The following ANO6 variants were observed in gnomAD, a reference collection of about 807,000 sequenced individuals.
The protein encoded by ANO6 is anoctamin 6, also known as anoctamin-6.
Under a neutral mutation model 117.5 loss-of-function variants are expected in ANO6, and 106 were observed. The observed-to-expected ratio is 0.90, with a 90% CI of 0.77 to 1.06. ANO6 has a LOEUF of 1.06. Among genes scored for constraint, ANO6 ranks in the 50% least tolerant of loss-of-function variants. The probability of loss-of-function intolerance (pLI) is 0.00; values close to 1 mark genes in which losing one functional copy is unlikely to be tolerated. For missense variants in ANO6, 955 were observed against 1,121.1 expected (o/e 0.85, Z 2.12); for synonymous variants, 367 against 385.1 (o/e 0.95, Z 0.55).
intron 1 of ANO6, among the ~76,000 whole-genome samples, chr12:45,282,041 G>T (rs1233617384): frequency 1.3e-5 from 2 of 152,024 alleles, no homozygotes; most frequent in Non-Finnish European, 2.9e-5. Context: ...ATGTTTGGCT[G>T]TGGGGGATGC....
At chr12:45,353,206 A>G (rs541048734) in intron 7 of ANO6, among the ~76,000 whole-genome samples, 52 of 152,242 alleles carry the variant, frequency 3.4e-4, no homozygotes, top group African/African-American at 9.6e-4. Context: ...TCATTATTTC[A>G]TAAGAGATTT....
In ANO6 at chr12:45,255,823, T is replaced by G. The variant is rs1021263588; in HGVS notation, c.70+39432T>G. Among the ~76,000 whole-genome samples the G allele has an allele frequency of 6.4e-3, 929 of 145,586 alleles. 7 individuals carry two copies. The highest frequency in any genetic ancestry group is 9.3e-3 in the Non-Finnish European group (624 of 66,822). ...CCCAGGTTTTCTCCCTGGGTGTTTT[T>G]TTTTTTTTTTTTTTTGAGACTGAAT... On this transcript the variant is annotated intron_variant, in intron 1 of 19. Transcript: ENST00000320560.
intron 1 of ANO6, among the ~76,000 whole-genome samples, chr12:45,222,183 C>T (rs1377360909): frequency 2.0e-5 from 3 of 150,616 alleles, no homozygotes; most frequent in Non-Finnish European, 4.4e-5. Flanking sequence ...GCCCGGCCCC[C>T]CCACTCCAGC....
intron 12 of ANO6, among the ~76,000 whole-genome samples, chr12:45,393,104 C>T (rs57056104): frequency 0.031 from 4,651 of 152,196 alleles, 93 homozygotes; most frequent in African/African-American, 0.057. Flanking sequence ...CTTGAAAAAA[C>T]GTTAGACAAA....
intron 2 of ANO6, among the ~76,000 whole-genome samples, chr12:45,310,462 T>G (rs760427104): frequency 1.3e-5 from 2 of 152,034 alleles, no homozygotes; most frequent in African/African-American, 4.8e-5. Context: ...GAGAGATTGA[T>G]TGATTTTTGA....
intron 1 of ANO6, among the ~76,000 whole-genome samples, chr12:45,240,351 ATTTTTTTTTTTTTTTTTTTTTTTT>A (rs57126852): frequency 6.5e-5 from 2 of 30,702 alleles, no homozygotes; most frequent in Non-Finnish European, 8.7e-5. Flanking sequence ...GCAACCCCTG[ATTTTTTTTTTTTTTTTTTTTTTTT>A]TTTTTTTTTT....
intron 1 of ANO6, among the ~76,000 whole-genome samples, chr12:45,293,647 G>A (rs1317948803): frequency 1.3e-5 from 2 of 149,188 alleles, no homozygotes; most frequent in South Asian, 2.1e-4. Flanking sequence ...TGCAAGCTCC[G>A]CCTCCCAGGT....
intron 9 of ANO6, among the ~76,000 whole-genome samples, chr12:45,375,254 A>G (rs200302548): frequency 0.03 from 4,645 of 152,304 alleles, 94 homozygotes; most frequent in African/African-American, 0.057. Context: ...AGGAAGAATC[A>G]ATATCGTGAA....
In ANO6 at chr12:45,221,760, C is replaced by T. The variant is rs1054895125; in HGVS notation, c.70+5369C>T. 3.9e-5 allele frequency among the ~76,000 whole-genome samples: 6 copies of T among 152,100 alleles called. No individual in the cohort carries two copies. The South Asian group carries it at 1.0e-3, about 26-fold the overall frequency. On this transcript the variant is annotated intron_variant, in intron 1 of 19. Transcript: ENST00000320560. ...TGGGTTCTCAGCTGCTGATTGTTTC[C>T]GGCAAGCAGAGAGGAGCCCAGGATG... is the stretch of plus-strand genomic sequence containing the variant.
intron 1 of ANO6, chr12:45,228,223 C>A: frequency 2.2e-6 from 1 of 446,540 alleles, no homozygotes; most frequent in South Asian, 1.6e-5. Context: ...CATTGACTCC[C>A]AGACTCAATT....
At chr12:45,276,621 A>G (rs909993767) in intron 1 of ANO6, among the ~76,000 whole-genome samples, 1 of 152,026 alleles carries the variant, frequency 6.6e-6, no homozygotes, top group East Asian at 1.9e-4. Flanking sequence ...TCTCTGCTAT[A>G]TCAACTTGTT....
In ANO6 at chr12:45,224,413, C is replaced by A. The variant is rs754183674; in HGVS notation, c.70+8022C>A. ...ATATACACATGTATAAATATGTATA[C>A]ATTATATATACATATGTGTGTGTGT... On this transcript the variant is annotated intron_variant, in intron 1 of 19. Transcript: ENST00000320560. Among the ~76,000 whole-genome samples, 8 of 146,610 alleles carry A rather than the reference C, an allele frequency of 5.5e-5. No individual in the cohort carries two copies. The South Asian group carries it at 1.7e-3, about 30-fold the overall frequency.
At chr12:45,274,207 C>A (rs1412778040) in intron 1 of ANO6, among the ~76,000 whole-genome samples, 1 of 152,206 alleles carries the variant, frequency 6.6e-6, no homozygotes, top group East Asian at 1.9e-4. Context: ...TGAATGCCAT[C>A]TGTATGTGGA....
chr12:45,329,286 A>C (rs1426579684), intron 2 of ANO6, among the ~76,000 whole-genome samples: 1 of 152,144 alleles, frequency 6.6e-6, no homozygotes, highest in African/African-American at 2.4e-5. Flanking sequence ...ATGTGGTAGA[A>C]TGTCTTCTGC....
At chr12:45,432,375 T>A, downstream of ANO6, 1 of 746,894 alleles carries the variant, frequency 1.3e-6, no homozygotes, top group Non-Finnish European at 1.6e-6. Flanking sequence ...TATATTGTCT[T>A]AACGTTTTTA....
At chr12:45,371,842 C>G (rs1287339426) in intron 9 of ANO6, among the ~76,000 whole-genome samples, 1 of 152,152 alleles carries the variant, frequency 6.6e-6, no homozygotes, top group Non-Finnish European at 1.5e-5. Context: ...TCACCAGCAA[C>G]GGAACAAAGC....
intron 1 of ANO6, among the ~76,000 whole-genome samples, chr12:45,234,788 A>T (rs530607348): frequency 6.9e-6 from 1 of 144,356 alleles, no homozygotes; most frequent in Non-Finnish European, 1.5e-5. Context: ...CTCTGGAACC[A>T]ATTCTGACTC....
At chr12:45,415,869 C>A (rs1051470246) in intron 16 of ANO6, among the ~76,000 whole-genome samples, 4 of 152,182 alleles carry the variant, frequency 2.6e-5, no homozygotes, top group Non-Finnish European at 5.9e-5. Flanking sequence ...AGTTACATAT[C>A]TGTAGATGTT....
intron 9 of ANO6, among the ~76,000 whole-genome samples, chr12:45,371,979 T>C (rs1941853427): frequency 6.6e-6 from 1 of 151,954 alleles, no homozygotes; most frequent in South Asian, 2.1e-4. Flanking sequence ...TTTAGAAGAA[T>C]GTATAACTAG....
Sources: gnomAD v4.1 joint callset for allele counts (sites outside exome capture counted in the v4.1 genomes callset) on GRCh38, gnomAD v4.1.1 for gene constraint, MANE v1.5 for transcripts, NCBI Gene and HGNC (gene_info 2026-07-23, HGNC 2026-07-21) for gene names.